The following SLC28A1 variants were observed in gnomAD, a reference collection of about 807,000 sequenced individuals.
SLC28A1 encodes the protein solute carrier family 28 member 1.
Under a neutral mutation model 74.8 loss-of-function variants are expected in SLC28A1, and 64 were observed. The observed-to-expected ratio is 0.86, with a 90% CI of 0.70 to 1.05. The LOEUF is 1.05. Among genes scored for constraint, SLC28A1 ranks in the 50% least tolerant of loss-of-function variants. The probability of loss-of-function intolerance (pLI) is 0.00; values close to 1 mark genes in which losing one functional copy is unlikely to be tolerated. For missense variants in SLC28A1, 828 were observed against 822.8 expected (o/e 1.01, Z -0.08); for synonymous variants, 359 against 335.0 (o/e 1.07, Z -0.78).
rs1596308884 is a variant in SLC28A1 at position 84,920,930 on chromosome 15, C to G, written c.877-59C>G. ...CTGTGTAAGGTCTTCCACTCCAGCC[C>G]CCTCTGACTCTGGGGTTTGCTGATG... On this transcript the variant is annotated intron_variant, in intron 10 of 18. Coordinates refer to ENST00000394573, the MANE Select transcript of SLC28A1 (RefSeq NM_004213.5). 2.3e-6 allele frequency: 3 copies of G among 1,329,796 alleles called. No homozygotes were observed. The East Asian group carries it at 6.9e-5, about 31-fold the overall frequency. The allele number at this position is 1,329,796 out of a possible 1,614,324, so 82.4% of individuals were successfully genotyped here.
chr15:84,930,068 G>C (rs1971091905), intron 12 of SLC28A1, among the ~76,000 whole-genome samples: 1 of 152,240 alleles, frequency 6.6e-6, no homozygotes, highest in African/African-American at 2.4e-5. Flanking sequence ...CTGGAAACTA[G>C]CAACTGCAGC....
chr15:84,902,756 G>A (rs1182040939), intron 6 of SLC28A1, among the ~76,000 whole-genome samples: 6 of 147,008 alleles, frequency 4.1e-5, no homozygotes, highest in Admixed American at 6.8e-5. Flanking sequence ...TTGAGATGGC[G>A]TCTTGCTCTG....
intron 6 of SLC28A1, among the ~76,000 whole-genome samples, chr15:84,896,206 T>G (rs1455789945): frequency 6.6e-6 from 1 of 152,164 alleles, no homozygotes; most frequent in Non-Finnish European, 1.5e-5. Flanking sequence ...ACTCACGGAA[T>G]GAGAGAAAAG....
intron 3 of SLC28A1, 38 bp from the exon 4 acceptor site, chr15:84,888,734 A>G: frequency 6.8e-7 from 1 of 1,470,286 alleles, no homozygotes; most frequent in Non-Finnish European, 9.3e-7. Context: ...GGGGTGGGTA[A>G]GGGGCAGGCC....
the SLC28A1 span, among the ~76,000 whole-genome samples, chr15:84,955,829 G>A: frequency 6.6e-6 from 1 of 152,112 alleles, no homozygotes; most frequent in Non-Finnish European, 1.5e-5. Flanking sequence ...GTGTAATGCA[G>A]CCCCCTAGGT....
In SLC28A1 at chr15:84,916,066, G is replaced by A. The variant is rs1248992258; in HGVS notation, c.796-2458G>A. Among the ~76,000 whole-genome samples the A allele has an allele frequency of 4.0e-5, 6 of 151,220 alleles. No individual in the cohort carries two copies. In the East Asian group the frequency reaches 1.2e-3, roughly 29 times the overall value. ...CAACCTCTGCCTCCCGGGTTCAAGC[G>A]ATTCTCATGCCTCAGCCTTCCGAGT... On this transcript the variant is annotated intron_variant, in intron 9 of 18. Coordinates refer to ENST00000394573, the MANE Select transcript of SLC28A1 (RefSeq NM_004213.5).
At chr15:84,904,791 T>TA (rs371357867) in intron 7 of SLC28A1, among the ~76,000 whole-genome samples, 15,775 of 87,550 alleles carry the variant, frequency 0.18, 1,076 homozygotes, top group South Asian at 0.25. Context: ...AATTCTGATG[T>TA]GTACTAAATT....
At chr15:84,961,428 C>T in the SLC28A1 span, 1 of 440,464 alleles carries the variant, frequency 2.3e-6, no homozygotes, top group South Asian at 1.6e-5. Flanking sequence ...ACCTCCTGGG[C>T]TCAAGGGATC....
the SLC28A1 span, among the ~76,000 whole-genome samples, chr15:84,959,516 G>A: frequency 2.7e-5 from 4 of 149,884 alleles, no homozygotes; most frequent in Non-Finnish European, 4.4e-5. Flanking sequence ...ATTTATCTTC[G>A]AATTTTTTTA....
chr15:84,890,600 G>A (rs1282463390), intron 5 of SLC28A1, 66 bp downstream of exon 5: 1 of 1,297,650 alleles, frequency 7.7e-7, no homozygotes, highest in Non-Finnish European at 1.1e-6. Context: ...ATGTCTCAGG[G>A]CAGGGTCATT....
chr15:84,917,053 G>T (rs1205090709), intron 9 of SLC28A1, among the ~76,000 whole-genome samples: 1 of 148,032 alleles, frequency 6.8e-6, no homozygotes, highest in African/African-American at 2.5e-5. Flanking sequence ...AATAAAAAAG[G>T]TAGGAACAGA....
the SLC28A1 span, among the ~76,000 whole-genome samples, chr15:84,958,532 A>C: frequency 6.6e-6 from 1 of 152,162 alleles, no homozygotes; most frequent in African/African-American, 2.4e-5. Context: ...TTTGGAAATC[A>C]CTTCCTCTTA....
At chr15:84,925,359 G>A (rs1303397712) in intron 12 of SLC28A1, among the ~76,000 whole-genome samples, 2 of 152,056 alleles carry the variant, frequency 1.3e-5, no homozygotes, top group East Asian at 1.9e-4. Context: ...AACGATGGGG[G>A]ATGCCAAGGC....
the SLC28A1 span, among the ~76,000 whole-genome samples, chr15:84,957,123 T>C: frequency 6.6e-6 from 1 of 152,218 alleles, no homozygotes; most frequent in Non-Finnish European, 1.5e-5. Context: ...TACTATAAAA[T>C]TACCCTATAG....
At position 84,935,023 on chromosome 15, in the gene SLC28A1, C is replaced by T; in HGVS notation, c.1215-3C>T. The T allele has an allele frequency of 1.2e-6, 2 of 1,613,764 alleles. No homozygotes were observed. Among genetic ancestry groups the T allele is most frequent in the African/African-American group, 1.3e-5 (1 of 75,050 alleles). ...TAATGATCATTCTTGATCCCAACAA[C>T]AGAGATGCTCAGAACCTCATAGAAG... On this transcript the variant is annotated splice_polypyrimidine_tract_variant and splice_region_variant and intron_variant, in intron 13 of 18. Transcript: ENST00000394573.
At chr15:84,947,311 G>T (rs147176815), downstream of SLC28A1, among the ~76,000 whole-genome samples, 373 of 152,300 alleles carry the variant, frequency 2.4e-3, 5 homozygotes, top group African/African-American at 7.7e-3. Context: ...GGACAACACA[G>T]TCCTCTCCCA....
intron 6 of SLC28A1, chr15:84,895,951 C>A (rs1051133233): frequency 7.1e-6 from 7 of 983,836 alleles, no homozygotes. Context: ...TTTGAGCCAG[C>A]CTGTGGATGA....
intron 15 of SLC28A1, among the ~76,000 whole-genome samples, chr15:84,936,721 A>G (rs985757125): frequency 6.6e-6 from 1 of 152,194 alleles, no homozygotes; most frequent in Non-Finnish European, 1.5e-5. Flanking sequence ...CCCAGATAAT[A>G]GTTATTGTTG....
At chr15:84,907,656 C>T (rs1281004303) in intron 8 of SLC28A1, among the ~76,000 whole-genome samples, 1 of 152,096 alleles carries the variant, frequency 6.6e-6, no homozygotes, top group Non-Finnish European at 1.5e-5. Flanking sequence ...TAGGCATGAG[C>T]CACTACACCT....
Sources: allele counts gnomAD v4.1 joint callset (sites outside exome capture counted in the v4.1 genomes callset), GRCh38; gene constraint gnomAD v4.1.1; transcripts MANE v1.5; gene names NCBI Gene and HGNC (gene_info 2026-07-23, HGNC 2026-07-21).